ERI3: variants seen among roughly 807,000 people sequenced by gnomAD.
ERI3 encodes ERI1 exoribonuclease family member 3, also known as ERI1 exoribonuclease 3.
In ERI3, 18 loss-of-function variants were observed where a neutral mutation model predicts 44.4. The observed-to-expected ratio is 0.41, with a 90% CI of 0.28 to 0.60. ERI3 has a LOEUF of 0.60. ERI3 is among the 20% of genes least tolerant of loss of function. The pLI is 0.36. For missense variants in ERI3, 294 were observed against 435.5 expected (o/e 0.68, Z 2.89); for synonymous variants, 183 against 164.8 (o/e 1.11, Z -0.84).
chr1:44,341,787 G>A (rs1233123232), intron 2 of ERI3, among the ~76,000 whole-genome samples: 1 of 152,158 alleles, frequency 6.6e-6, no homozygotes, highest in African/African-American at 2.4e-5. Context: ...CTACTTGGTA[G>A]GCTGAAGTAG....
At chr1:44,293,426 T>C (rs907773647) in intron 6 of ERI3, among the ~76,000 whole-genome samples, 1 of 152,190 alleles carries the variant, frequency 6.6e-6, no homozygotes, top group Non-Finnish European at 1.5e-5. Context: ...CAGGGAGAGA[T>C]GACCAGCTGT....
chr1:44,322,626 C>T (rs1646226739), intron 3 of ERI3: 2 of 1,393,436 alleles, frequency 1.4e-6, no homozygotes, highest in Admixed American at 2.8e-5. Flanking sequence ...TACACACTGG[C>T]ATATTCACTT....
intron 7 of ERI3, among the ~76,000 whole-genome samples, chr1:44,262,756 G>A (rs987386719): frequency 6.6e-6 from 1 of 152,218 alleles, no homozygotes; most frequent in Admixed American, 6.5e-5. Context: ...CGGACCTTCA[G>A]CAGAAAGCTG....
chr1:44,221,358 GTGTC>G lies in ERI3; in HGVS notation c.*196_*199del. Reference sequence around the variant, plus strand: ...GAGGGGTGGGGATGGGGGGCACAAAGTGTCTGCTCCAGAAGGGCCAAGTGGCCAA... The same window carrying G: ...GAGGGGTGGGGATGGGGGGCACAAAGTGCTCCAGAAGGGCCAAGTGGCCAA... On this transcript the variant is annotated 3_prime_UTR_variant, in exon 9 of 9. Transcript: ENST00000372257. The surrounding 1 kb of genome is among the most constrained non-coding windows in gnomAD (Gnocchi z 5.9). The G allele has an allele frequency of 1.7e-6, 1 of 572,984 alleles. No individual in the cohort carries two copies. The allele number at this position is 572,984 out of a possible 1,614,324, so 35.5% of individuals were successfully genotyped here.
At chr1:44,266,829 G>T (rs1644999216) in intron 7 of ERI3, among the ~76,000 whole-genome samples, 1 of 152,200 alleles carries the variant, frequency 6.6e-6, no homozygotes, top group Non-Finnish European at 1.5e-5. Context: ...TCTGATCTCT[G>T]CCCTCAGTGC....
chr1:44,302,730 C>T (rs1283002875), intron 6 of ERI3, among the ~76,000 whole-genome samples: 1 of 152,200 alleles, frequency 6.6e-6, no homozygotes, highest in Non-Finnish European at 1.5e-5. Flanking sequence ...TGAGGCTCTG[C>T]CACTCAGTGC....
chr1:44,254,047 C>T (rs1644734157), intron 7 of ERI3, among the ~76,000 whole-genome samples: 1 of 152,208 alleles, frequency 6.6e-6, no homozygotes, highest in African/African-American at 2.4e-5. Flanking sequence ...TAACTCACTC[C>T]TGGATATACT....
intron 6 of ERI3, among the ~76,000 whole-genome samples, chr1:44,303,547 C>G (rs931262056): frequency 2.0e-5 from 3 of 152,170 alleles, no homozygotes; most frequent in Non-Finnish European, 4.4e-5. Context: ...CAAGTAGAGG[C>G]AGTCACAGCA....
chr1:44,278,692 C>T (rs1192048944), intron 7 of ERI3, among the ~76,000 whole-genome samples: 3 of 152,070 alleles, frequency 2.0e-5, no homozygotes, highest in East Asian at 3.9e-4. Flanking sequence ...CATTGCCTCC[C>T]GGGTTCAAGT....
At chr1:44,317,853 G>C (rs545395555) in intron 4 of ERI3, among the ~76,000 whole-genome samples, 4 of 152,224 alleles carry the variant, frequency 2.6e-5, no homozygotes, top group Admixed American at 2.6e-4. Flanking sequence ...AGCTAGGTGG[G>C]AGATGAAGCA....
intron 7 of ERI3, among the ~76,000 whole-genome samples, chr1:44,264,841 C>A (rs1644959216): frequency 6.6e-6 from 1 of 152,222 alleles, no homozygotes; most frequent in African/African-American, 2.4e-5. Flanking sequence ...AAGCCCAATT[C>A]TAATTATGGG....
chr1:44,342,810 CTA>C (rs1491547087), intron 2 of ERI3, among the ~76,000 whole-genome samples: 80 of 42,854 alleles, frequency 1.9e-3, no homozygotes, highest in Non-Finnish European at 2.0e-3. Flanking sequence ...CCACATCCAG[CTA>C]ATATATATAT....
Position 44,285,778 on chromosome 1 carries a change from G to C in ERI3, c.759-871C>G, listed in dbSNP as rs183688070. ...GAAAGAAAGACAAAAAAAGCCTTAAGTTGGAGTATGGGGGCATATGCAAGG... is the reference window on the plus strand; with the variant it reads ...GAAAGAAAGACAAAAAAAGCCTTAACTTGGAGTATGGGGGCATATGCAAGG... On this transcript the variant is annotated intron_variant, in intron 6 of 8. Transcript: ENST00000372257. 1.5e-3 allele frequency among the ~76,000 whole-genome samples: 229 copies of C among 152,310 alleles called. 1 individual carries two copies. Among genetic ancestry groups the C allele is most frequent in the Non-Finnish European group, 2.6e-3 (175 of 68,026 alleles).
At chr1:44,263,690 C>T (rs1289857531) in intron 7 of ERI3, among the ~76,000 whole-genome samples, 1 of 152,306 alleles carries the variant, frequency 6.6e-6, no homozygotes, top group East Asian at 1.9e-4. Context: ...GGAGTATAGG[C>T]TTGGGCTCTG....
intron 6 of ERI3, among the ~76,000 whole-genome samples, chr1:44,295,286 A>G (rs567772934): frequency 2.6e-5 from 4 of 152,290 alleles, no homozygotes; most frequent in African/African-American, 9.6e-5. Context: ...AAAAGAAAAA[A>G]AAGTTTAGTA....
At chr1:44,325,164 G>A (rs1340161239) in intron 3 of ERI3, among the ~76,000 whole-genome samples, 6 of 141,850 alleles carry the variant, frequency 4.2e-5, no homozygotes, top group African/African-American at 1.3e-4. Context: ...TGTAACCTCC[G>A]CCTCCCGGGT....
chr1:44,339,324 T>G lies in ERI3; in HGVS notation c.212-2A>C. On this transcript the variant is annotated splice_acceptor_variant, in intron 2 of 8. Transcript: ENST00000372257. LOFTEE classifies it high-confidence loss of function. ...TTGAACATCCAGAAGCATCTAAAAC[T>G]TAGGGGAGGAAAGTTTAAAAAAAAA... The G allele has an allele frequency of 7.3e-7, 1 of 1,364,316 alleles. No individual in the cohort carries two copies. Among genetic ancestry groups the G allele is most frequent in the Admixed American group, 2.7e-5 (1 of 36,542 alleles). The allele number at this position is 1,364,316 out of a possible 1,614,324, so 84.5% of individuals were successfully genotyped here. A position where few individuals can be genotyped will look rare whatever the true frequency, so the allele number is the denominator to read the frequency against.
chr1:44,244,771 C>T (rs980634028), intron 8 of ERI3, among the ~76,000 whole-genome samples: 5 of 152,106 alleles, frequency 3.3e-5, no homozygotes, highest in African/African-American at 1.2e-4. Flanking sequence ...CACGCACAAC[C>T]ATCCTAGTAG....
intron 8 of ERI3, among the ~76,000 whole-genome samples, chr1:44,246,899 C>CCA (rs943779779): frequency 2.0e-5 from 3 of 152,160 alleles, no homozygotes; most frequent in African/African-American, 7.2e-5. Context: ...AGTCCCCCCC[C>CCA]ACAATGATGC....
Sources: allele counts gnomAD v4.1 joint callset (sites outside exome capture counted in the v4.1 genomes callset), GRCh38; gene constraint gnomAD v4.1.1; non-coding constraint Gnocchi (gnomAD v3.1); transcripts MANE v1.5; gene names NCBI Gene and HGNC (gene_info 2026-07-23, HGNC 2026-07-21).